Variants in LOXHD1 observed in about 807,000 individuals in gnomAD.
LOXHD1 encodes the protein lipoxygenase homology domain-containing protein 1.
A neutral mutation model predicts 248.2 loss-of-function variants in LOXHD1; 205 were observed. The ratio of observed to expected loss-of-function variants is 0.83; its 90% CI spans 0.74 to 0.93. LOXHD1 has a LOEUF of 0.93. Among genes scored for constraint, LOXHD1 ranks in the 40% least tolerant of loss-of-function variants. The pLI is 0.00. For synonymous variants in LOXHD1, 1,113 were observed against 1,162.8 expected (o/e 0.96, Z 0.87); for missense variants, 2,930 against 2,971.6 (o/e 0.99, Z 0.33).
intron 35 of LOXHD1, among the ~76,000 whole-genome samples, chr18:46,508,084 G>C (rs1265662217): frequency 6.6e-6 from 1 of 152,170 alleles, no homozygotes; most frequent in African/African-American, 2.4e-5. Context: ...GCAGAACGCT[G>C]ACATTTGCAG....
At chr18:46,650,473 C>T (rs1452253443) in intron 1 of LOXHD1, among the ~76,000 whole-genome samples, 1 of 152,094 alleles carries the variant, frequency 6.6e-6, no homozygotes, top group East Asian at 1.9e-4. Flanking sequence ...ACTGTATGCC[C>T]TGAGCTAAGG....
chr18:46,640,540 G>T (rs1198287863), intron 3 of LOXHD1, among the ~76,000 whole-genome samples: 1 of 152,180 alleles, frequency 6.6e-6, no homozygotes, highest in Non-Finnish European at 1.5e-5. Context: ...AAGATCCAAA[G>T]AAACTGGTAG....
intron 4 of LOXHD1, among the ~76,000 whole-genome samples, chr18:46,630,735 A>G (rs1045330431): frequency 6.6e-6 from 1 of 151,232 alleles, no homozygotes; most frequent in Non-Finnish European, 1.5e-5. Flanking sequence ...TGTCCTGTGA[A>G]TGTCTCACCA....
chr18:46,631,003 G>T lies in LOXHD1; in HGVS notation c.511+8613C>A, dbSNP rs553401671. Among the ~76,000 whole-genome samples, 7 of 152,270 alleles carry T rather than the reference G, an allele frequency of 4.6e-5. No homozygotes were observed. The South Asian group carries it at 1.5e-3, about 32-fold the overall frequency. On this transcript the variant is annotated intron_variant, in intron 4 of 40. Coordinates refer to ENST00000642948, the MANE Select transcript of LOXHD1 (RefSeq NM_001384474.1). ...ACTCAGGTCTCTGCCCCTTTGGAAA[G>T]CTCTTTCCACCCATCTCTGTGGCTT...
chr18:46,565,331 A>C (rs913115871), intron 17 of LOXHD1, among the ~76,000 whole-genome samples: 1 of 151,934 alleles, frequency 6.6e-6, no homozygotes, highest in Admixed American at 6.6e-5. Context: ...CTTCCTCCTC[A>C]GAAATGTCAC....
At chr18:46,563,970 AC>A (rs1434523189) in intron 17 of LOXHD1, among the ~76,000 whole-genome samples, 1 of 152,360 alleles carries the variant, frequency 6.6e-6, no homozygotes, top group East Asian at 1.9e-4. Context: ...AACAAGCTCT[AC>A]AAAAGACGAA....
chr18:46,507,431 G>T, intron 36 of LOXHD1, 107 bp downstream of exon 36: 2 of 1,234,718 alleles, frequency 1.6e-6, no homozygotes, highest in Non-Finnish European at 2.3e-6. Flanking sequence ...ACTAGATTTT[G>T]GAAGGCCTTA....
rs1317327808 is a variant in LOXHD1 at position 46,533,156 on chromosome 18, A to G, written c.4375+6T>C. On this transcript the variant is annotated splice_donor_region_variant and intron_variant, in intron 28 of 40. Coordinates refer to ENST00000642948, the MANE Select transcript of LOXHD1 (RefSeq NM_001384474.1). ...ATGGTGATGAGGGTGGCCACACCAC[A>G]CTTACTGTCCAGAGGCTCTTCTACT... The G allele has an allele frequency of 1.3e-6, 2 of 1,551,618 alleles. No homozygotes were observed. Among genetic ancestry groups the G allele is most frequent in the Non-Finnish European group, 1.7e-6 (2 of 1,146,964 alleles).
At chr18:46,542,674 C>CGA in intron 24 of LOXHD1, 53 bp downstream of exon 24, 1 of 1,545,254 alleles carries the variant, frequency 6.5e-7, no homozygotes. Context: ...CCACAAGGAC[C>CGA]TGTCCATGGT....
At chr18:46,536,596 G>A (rs964287810) in intron 26 of LOXHD1, among the ~76,000 whole-genome samples, 5 of 152,238 alleles carry the variant, frequency 3.3e-5, no homozygotes, top group Admixed American at 6.5e-5. Flanking sequence ...AAGTCATGCC[G>A]AGGTGTGATC....
chr18:46,580,717 C>A lies in LOXHD1; in HGVS notation c.1655-933G>T, dbSNP rs538603099. Among the ~76,000 whole-genome samples, 9 of 152,270 alleles carry A rather than the reference C, an allele frequency of 5.9e-5. No individual in the cohort carries two copies. The South Asian group carries it at 6.2e-4, about 11-fold the overall frequency. ...TTTGTTATATCTGTAACTAAGATAA[C>A]ACAGTGGAGGGACATCTTGGAGTGG... On this transcript the variant is annotated intron_variant, in intron 12 of 40. Transcript: ENST00000642948.
At chr18:46,499,097 T>C (rs1048412481) in intron 37 of LOXHD1, among the ~76,000 whole-genome samples, 1 of 152,220 alleles carries the variant, frequency 6.6e-6, no homozygotes, top group Non-Finnish European at 1.5e-5. Flanking sequence ...ATTAGGCATA[T>C]AAATGTGAAT....
chr18:46,623,503 CTAAAGA>C (rs941932635), intron 4 of LOXHD1, among the ~76,000 whole-genome samples: 2 of 152,200 alleles, frequency 1.3e-5, no homozygotes, highest in Non-Finnish European at 2.9e-5. Context: ...TAGCTGCAGC[CTAAAGA>C]TAGAGTGCCC....
intron 6 of LOXHD1, 70 bp downstream of exon 6, chr18:46,610,706 C>T: frequency 1.4e-6 from 2 of 1,467,752 alleles, no homozygotes; most frequent in Middle Eastern, 2.4e-4. Context: ...GACTGAGATA[C>T]AACCCTCTGA....
At chr18:46,647,608 G>A (rs751813497) in intron 2 of LOXHD1, among the ~76,000 whole-genome samples, 10 of 152,174 alleles carry the variant, frequency 6.6e-5, no homozygotes, top group Admixed American at 1.3e-4. Flanking sequence ...ATCATCGGAC[G>A]GAAAGACTTC....
chr18:46,641,418 A>G (rs2038961809), intron 3 of LOXHD1, among the ~76,000 whole-genome samples: 1 of 152,218 alleles, frequency 6.6e-6, no homozygotes, highest in South Asian at 2.1e-4. Flanking sequence ...TACCTTCACA[A>G]GAAGCCCCCA....
chr18:46,528,358 G>A (rs904250902), intron 29 of LOXHD1, among the ~76,000 whole-genome samples: 6 of 152,120 alleles, frequency 3.9e-5, no homozygotes, highest in African/African-American at 1.4e-4. Context: ...AAAGGGCACA[G>A]ACTGGGAGGA....
chr18:46,540,717 C>T (rs1165999188), intron 25 of LOXHD1, among the ~76,000 whole-genome samples: 1 of 118,724 alleles, frequency 8.4e-6, no homozygotes, highest in Non-Finnish European at 1.6e-5. Context: ...GAAATGGATA[C>T]GTTTGTCCTC....
chr18:46,613,231 C>T (rs2038534690), intron 5 of LOXHD1, among the ~76,000 whole-genome samples: 1 of 152,112 alleles, frequency 6.6e-6, no homozygotes, highest in Non-Finnish European at 1.5e-5. Flanking sequence ...CATCCACGAA[C>T]ATATTTCTCA....
Sources: gnomAD v4.1 joint callset for allele counts (sites outside exome capture counted in the v4.1 genomes callset) on GRCh38, gnomAD v4.1.1 for gene constraint, MANE v1.5 for transcripts, NCBI Gene and HGNC (gene_info 2026-07-23, HGNC 2026-07-21) for gene names.